PCSK2: variants seen among roughly 807,000 people sequenced by gnomAD.
The protein encoded by PCSK2 is proprotein convertase subtilisin/kexin type 2.
Under a neutral mutation model 69.7 loss-of-function variants are expected in PCSK2, and 14 were observed. The ratio of observed to expected loss-of-function variants is 0.20; its 90% CI spans 0.13 to 0.31. The LOEUF (loss-of-function observed/expected upper bound fraction) is 0.31, where lower values mean the gene tolerates loss of function less well. Among genes scored for constraint, PCSK2 ranks in the 10% least tolerant of loss-of-function variants. The pLI is 1.00. For missense variants in PCSK2, 544 were observed against 842.5 expected (o/e 0.65, Z 4.39); for synonymous variants, 307 against 320.7 (o/e 0.96, Z 0.46).
chr20:17,272,566 C>T (rs1219259590), intron 2 of PCSK2, among the ~76,000 whole-genome samples: 1 of 152,066 alleles, frequency 6.6e-6, no homozygotes, highest in Non-Finnish European at 1.5e-5. Flanking sequence ...GTCTCCTTTC[C>T]ACTTTCTTGT....
At chr20:17,406,237 T>C (rs925031939) in intron 5 of PCSK2, among the ~76,000 whole-genome samples, 2 of 152,156 alleles carry the variant, frequency 1.3e-5, no homozygotes, top group African/African-American at 4.8e-5. Context: ...TTCAAATCAA[T>C]AAATGACTCG....
At chr20:17,320,274 A>T (rs1448376514) in intron 2 of PCSK2, among the ~76,000 whole-genome samples, 1 of 152,212 alleles carries the variant, frequency 6.6e-6, no homozygotes, top group Non-Finnish European at 1.5e-5. Context: ...TAGAACTCAT[A>T]GGACATACTC....
chr20:17,230,824 T>G (rs1986119924), intron 1 of PCSK2, among the ~76,000 whole-genome samples: 2 of 152,244 alleles, frequency 1.3e-5, no homozygotes, highest in African/African-American at 4.8e-5. Context: ...AACATTTGTT[T>G]TCTCTCTAAA....
intron 6 of PCSK2, among the ~76,000 whole-genome samples, chr20:17,417,406 T>G (rs2032024233): frequency 6.6e-6 from 1 of 152,214 alleles, no homozygotes; most frequent in South Asian, 2.1e-4. Context: ...TCCCCATGCC[T>G]TAGGGAGCCA....
At chr20:17,369,637 G>A (rs1600527152) in intron 5 of PCSK2, among the ~76,000 whole-genome samples, 1 of 152,328 alleles carries the variant, frequency 6.6e-6, no homozygotes, top group Middle Eastern at 3.4e-3. Flanking sequence ...CCTGGCAGCA[G>A]GCAAAGGCAG....
chr20:17,362,921 C>T (rs1057361071), intron 4 of PCSK2, among the ~76,000 whole-genome samples: 1 of 152,218 alleles, frequency 6.6e-6, no homozygotes, highest in African/African-American at 2.4e-5. Flanking sequence ...GATGCTCTTG[C>T]CATGTAATTG....
intron 2 of PCSK2, among the ~76,000 whole-genome samples, chr20:17,327,855 C>G (rs997288298): frequency 1.3e-5 from 2 of 152,180 alleles, no homozygotes; most frequent in African/African-American, 4.8e-5. Context: ...GCTTTAAATG[C>G]TCAGTCATGT....
At chr20:17,368,544 T>G (rs1457737356) in intron 4 of PCSK2, among the ~76,000 whole-genome samples, 1 of 152,156 alleles carries the variant, frequency 6.6e-6, no homozygotes, top group Non-Finnish European at 1.5e-5. Flanking sequence ...AAATGAGAGC[T>G]TTTCAATTGC....
intron 5 of PCSK2, among the ~76,000 whole-genome samples, chr20:17,391,906 G>GAGGAAGGAAGGAAGGAAGGA (rs145258467): frequency 0.16 from 15,805 of 99,812 alleles, 1,865 homozygotes; most frequent in Middle Eastern, 0.18. Flanking sequence ...GAAAGAGAGA[G>GAGGAAGGAAGGAAGGAAGGA]AGGAAGGAAG....
intron 2 of PCSK2, among the ~76,000 whole-genome samples, chr20:17,317,537 T>TAA (rs1391916638): frequency 2.0e-5 from 3 of 152,218 alleles, no homozygotes; most frequent in Non-Finnish European, 2.9e-5. Flanking sequence ...AATGGGCAAC[T>TAA]AAATCTTCAT....
At chr20:17,388,063 C>G (rs1310931101) in intron 5 of PCSK2, among the ~76,000 whole-genome samples, 1 of 152,130 alleles carries the variant, frequency 6.6e-6, no homozygotes, top group Non-Finnish European at 1.5e-5. Flanking sequence ...TGCAAAGACC[C>G]TGAGGCAGGA....
intron 10 of PCSK2, chr20:17,463,599 G>A (rs1412781384): frequency 6.6e-6 from 1 of 151,080 alleles, no homozygotes; most frequent in Non-Finnish European, 1.5e-5. Flanking sequence ...ATGTTGGTTT[G>A]CTGCACCCAT....
At chr20:17,376,112 G>A (rs1031593712) in intron 5 of PCSK2, among the ~76,000 whole-genome samples, 6 of 152,202 alleles carry the variant, frequency 3.9e-5, no homozygotes, top group Non-Finnish European at 8.8e-5. Flanking sequence ...AGAGGAGGGT[G>A]AGAGACATGG....
intron 2 of PCSK2, among the ~76,000 whole-genome samples, chr20:17,307,482 G>A (rs997037332): frequency 2.0e-5 from 3 of 152,198 alleles, no homozygotes; most frequent in Non-Finnish European, 4.4e-5. Context: ...AGTGGCAGAA[G>A]AGAAGCAGCC....
At chr20:17,480,434 C>T (rs1334204379) in intron 11 of PCSK2, among the ~76,000 whole-genome samples, 1 of 152,116 alleles carries the variant, frequency 6.6e-6, no homozygotes, top group South Asian at 2.1e-4. Flanking sequence ...CATGATCCGC[C>T]CGCCTCGGCC....
chr20:17,265,097 C>T (rs1040274381), intron 2 of PCSK2, among the ~76,000 whole-genome samples: 4 of 152,156 alleles, frequency 2.6e-5, no homozygotes, highest in African/African-American at 7.2e-5. Context: ...CTCCTGACAT[C>T]GGGTGATCCA....
intron 2 of PCSK2, among the ~76,000 whole-genome samples, chr20:17,345,666 C>T (rs1378019964): frequency 1.3e-5 from 2 of 152,240 alleles, no homozygotes; most frequent in African/African-American, 4.8e-5. Flanking sequence ...TACCTCAGAA[C>T]ATGCACAAAT....
chr20:17,377,413 C>G (rs915172506), intron 5 of PCSK2, among the ~76,000 whole-genome samples: 3 of 152,202 alleles, frequency 2.0e-5, no homozygotes, highest in Non-Finnish European at 4.4e-5. Flanking sequence ...CAGGAAGTAC[C>G]TTGAGCTTGA....
intron 6 of PCSK2, among the ~76,000 whole-genome samples, chr20:17,424,335 A>G (rs945492593): frequency 5.3e-5 from 8 of 152,232 alleles, no homozygotes; most frequent in African/African-American, 1.4e-4. Flanking sequence ...AGTGACATGT[A>G]TGCTTATGCA....
Sources: gnomAD v4.1 joint callset for allele counts (sites outside exome capture counted in the v4.1 genomes callset) on GRCh38, gnomAD v4.1.1 for gene constraint, MANE v1.5 for transcripts, NCBI Gene and HGNC (gene_info 2026-07-23, HGNC 2026-07-21) for gene names.